The following INTS6 variants were observed in gnomAD, a reference collection of about 807,000 sequenced individuals.
INTS6 encodes DEAD box protein.
INTS6 carries 16 observed loss-of-function variants against 104.9 expected under a neutral mutation model. That is an observed-to-expected ratio of 0.15 (90% CI 0.10 to 0.23). The LOEUF is 0.23. INTS6 is among the 10% of genes least tolerant of loss of function. The probability of loss-of-function intolerance (pLI) is 1.00; values close to 1 mark genes in which losing one functional copy is unlikely to be tolerated. For synonymous variants in INTS6, 324 were observed against 358.7 expected (o/e 0.90, Z 1.09); for missense variants, 584 against 1,062.8 (o/e 0.55, Z 6.26).
intron 4 of INTS6, among the ~76,000 whole-genome samples, chr13:51,427,252 C>T (rs910080796): frequency 4.0e-5 from 6 of 148,716 alleles, no homozygotes; most frequent in African/African-American, 9.7e-5. Flanking sequence ...AAATTAATGA[C>T]ACATTCATAC....
At chr13:51,450,174 A>AT in intron 3 of INTS6, 2 of 985,074 alleles carry the variant, frequency 2.0e-6, no homozygotes, top group Non-Finnish European at 2.4e-6. Flanking sequence ...TCACTACAAC[A>AT]TAAGAACTGA....
At chr13:51,391,524 T>C (rs1279654102) in intron 5 of INTS6, among the ~76,000 whole-genome samples, 1 of 152,234 alleles carries the variant, frequency 6.6e-6, no homozygotes, top group Non-Finnish European at 1.5e-5. Context: ...GTTCCTCATG[T>C]GTACTTATTG....
the INTS6 span, among the ~76,000 whole-genome samples, chr13:51,345,632 A>G: frequency 2.7e-5 from 4 of 150,308 alleles, no homozygotes; most frequent in Admixed American, 2.6e-4. Context: ...ATAGGAAGTG[A>G]TATGTATACT....
intron 3 of INTS6, among the ~76,000 whole-genome samples, chr13:51,434,606 G>T (rs1415095275): frequency 6.6e-6 from 1 of 151,902 alleles, no homozygotes; most frequent in African/African-American, 2.4e-5. Flanking sequence ...TACACACAAG[G>T]TTGTTTTATT....
intron 3 of INTS6, chr13:51,447,564 T>A (rs1436173530): frequency 6.6e-6 from 1 of 151,930 alleles, no homozygotes. Context: ...TCAAGGATTG[T>A]CTTCACCAAG....
the INTS6 span, among the ~76,000 whole-genome samples, chr13:51,345,492 G>T: frequency 6.6e-6 from 1 of 151,814 alleles, no homozygotes; most frequent in African/African-American, 2.4e-5. Flanking sequence ...TACTCGGGGA[G>T]GCTGAGGCAG....
intron 3 of INTS6, chr13:51,450,377 G>A: frequency 1.0e-6 from 1 of 985,380 alleles, no homozygotes; most frequent in Non-Finnish European, 1.2e-6. Context: ...GACTTGTGGG[G>A]GTTAAGAAAC....
chr13:51,338,331 G>A, the INTS6 span, among the ~76,000 whole-genome samples: 1 of 152,140 alleles, frequency 6.6e-6, no homozygotes, highest in Non-Finnish European at 1.5e-5. Flanking sequence ...AAGACTCTAA[G>A]TCCCATAGAA....
chr13:51,371,229 G>A (rs1439976274), intron 15 of INTS6, among the ~76,000 whole-genome samples: 2 of 152,158 alleles, frequency 1.3e-5, no homozygotes, highest in African/African-American at 2.4e-5. Context: ...CAGATCACCT[G>A]TTAAGAACCT....
chr13:51,393,580 T>C (rs1956283677), intron 5 of INTS6, among the ~76,000 whole-genome samples: 2 of 152,186 alleles, frequency 1.3e-5, no homozygotes, highest in South Asian at 4.1e-4. Flanking sequence ...TTTGAGCGGC[T>C]TACTCTTATT....
chr13:51,375,476 T>C (rs1186186791), intron 13 of INTS6, among the ~76,000 whole-genome samples: 3 of 146,412 alleles, frequency 2.0e-5, no homozygotes, highest in African/African-American at 5.0e-5. Flanking sequence ...TACAGTATGG[T>C]AAAAAAAAAA....
At chr13:51,451,560 T>C in intron 2 of INTS6, 1 of 156,844 alleles carries the variant, frequency 6.4e-6, no homozygotes, top group Non-Finnish European at 1.4e-5. Flanking sequence ...CAGCCCCGCA[T>C]CTGGCTTCCG....
At chr13:51,404,765 T>C (rs1192829650) in intron 4 of INTS6, among the ~76,000 whole-genome samples, 1 of 152,218 alleles carries the variant, frequency 6.6e-6, no homozygotes, top group African/African-American at 2.4e-5. Flanking sequence ...TTTACTGCAG[T>C]GGCCTAGTAC....
chr13:51,451,319 G>A, intron 2 of INTS6, 145 bp from the exon 3 acceptor site: 1 of 500,422 alleles, frequency 2.0e-6, no homozygotes, highest in Non-Finnish European at 3.2e-6. Context: ...CGCTGCTGAG[G>A]AAACTCTCTT....
rs769233750 is a variant in INTS6, at chr13:51,361,867, T to C, written c.*3885A>G. On this transcript the variant is annotated 3_prime_UTR_variant, in exon 18 of 18. Transcript: ENST00000311234. ...ATTTTTAAAGCAGATCGGCCATTCA[T>C]CTATTTCCTGAGAGAACCTAACACA... 10 of 1,611,780 alleles carry C rather than the reference T, an allele frequency of 6.2e-6. No homozygotes were observed. Among genetic ancestry groups the C allele is most frequent in the Non-Finnish European group, 8.5e-6 (10 of 1,178,718 alleles).
chr13:51,355,169 T>C, intron 3 of INTS6: 1 of 1,181,602 alleles, frequency 8.5e-7, no homozygotes, highest in Non-Finnish European at 1.2e-6. Flanking sequence ...CTTCCAAACG[T>C]TCTAGCCGTG....
At chr13:51,432,804 A>T (rs555115929) in intron 3 of INTS6, among the ~76,000 whole-genome samples, 1 of 152,336 alleles carries the variant, frequency 6.6e-6, no homozygotes, top group Non-Finnish European at 1.5e-5. Flanking sequence ...TCAGCCATCC[A>T]CTATCTACTC....
chr13:51,369,362 CA>C (rs1955760948), intron 15 of INTS6, 52 bp from the exon 16 acceptor site: 1 of 1,520,236 alleles, frequency 6.6e-7, no homozygotes, highest in Non-Finnish European at 8.8e-7. Flanking sequence ...TCAAAGCATA[CA>C]GTAAATAAAG....
downstream of INTS6, among the ~76,000 whole-genome samples, chr13:51,351,217 A>C (rs1955399538): frequency 6.6e-6 from 1 of 152,160 alleles, no homozygotes; most frequent in Non-Finnish European, 1.5e-5. Flanking sequence ...CATTTTGAAG[A>C]ACTATCAAAC....
Sources: allele counts gnomAD v4.1 joint callset (sites outside exome capture counted in the v4.1 genomes callset), GRCh38; gene constraint gnomAD v4.1.1; transcripts MANE v1.5; gene names NCBI Gene and HGNC (gene_info 2026-07-23, HGNC 2026-07-21).